RBFOX1: variants seen among roughly 807,000 people sequenced by gnomAD.
RBFOX1 encodes the protein RNA binding fox-1 homolog 1.
Under a neutral mutation model 57.7 loss-of-function variants are expected in RBFOX1, and 8 were observed. That is an observed-to-expected ratio of 0.14 (90% confidence interval 0.08 to 0.25). The LOEUF (loss-of-function observed/expected upper bound fraction) is 0.25. RBFOX1 is among the 10% of genes least tolerant of loss of function. The pLI is 1.00. For missense variants in RBFOX1, 611 were observed against 548.5 expected (o/e 1.11, Z -1.14); for synonymous variants, 326 against 222.4 (o/e 1.47, Z -4.15).
At chr16:6,855,202 ACC>A (rs2057609001) in intron 3 of RBFOX1, among the ~76,000 whole-genome samples, 1 of 152,056 alleles carries the variant, frequency 6.6e-6, no homozygotes, top group Admixed American at 6.6e-5. Context: ...CCAATATAGT[ACC>A]TGGCAAAATG....
intron 2 of RBFOX1, among the ~76,000 whole-genome samples, chr16:6,608,099 A>G (rs375926364): frequency 6.6e-6 from 1 of 152,184 alleles, no homozygotes; most frequent in Non-Finnish European, 1.5e-5. Context: ...GTCTCATAGC[A>G]CCTGAAACAA....
At chr16:5,905,499 C>T (rs1053474089) in intron 4 of RBFOX1, among the ~76,000 whole-genome samples, 1 of 152,034 alleles carries the variant, frequency 6.6e-6, no homozygotes, top group African/African-American at 2.4e-5. Flanking sequence ...ATTGCTTGAG[C>T]CCAGGAGTTT....
At chr16:6,460,318 T>C (rs1302601645) in intron 2 of RBFOX1, among the ~76,000 whole-genome samples, 2 of 152,040 alleles carry the variant, frequency 1.3e-5, no homozygotes, top group Non-Finnish European at 2.9e-5. Context: ...GTGGACAACC[T>C]ATAGGATGAG....
chr16:7,158,913 T>A (rs1017281871), intron 4 of RBFOX1, among the ~76,000 whole-genome samples: 1 of 152,092 alleles, frequency 6.6e-6, no homozygotes, highest in Non-Finnish European at 1.5e-5. Context: ...TTATTTGTAT[T>A]ACAAACATTT....
intron 11 of RBFOX1, among the ~76,000 whole-genome samples, chr16:7,634,284 G>T (rs1378606492): frequency 6.6e-6 from 1 of 152,070 alleles, no homozygotes; most frequent in African/African-American, 2.4e-5. Context: ...ACTTTTGTAT[G>T]TTGGATCCTA....
chr16:6,875,442 G>A (rs2061666426), intron 3 of RBFOX1, among the ~76,000 whole-genome samples: 1 of 152,066 alleles, frequency 6.6e-6, no homozygotes, highest in African/African-American at 2.4e-5. Flanking sequence ...TTCTTCCCAG[G>A]ACTCACACAA....
intron 3 of RBFOX1, among the ~76,000 whole-genome samples, chr16:6,843,786 G>A (rs2093618165): frequency 6.6e-6 from 1 of 152,140 alleles, no homozygotes; most frequent in Non-Finnish European, 1.5e-5. Flanking sequence ...TCACTATTCT[G>A]TTCCATGCCA....
rs1310371492 is a variant in RBFOX1 at position 6,450,771 on chromosome 16, A to G, written c.-64+133714A>G. Reference sequence around the variant, plus strand: ...TATATATACATATATATATGTGTATATATATATATATATATATACATATAT... The same window carrying G: ...TATATATACATATATATATGTGTATGTATATATATATATATATACATATAT... On this transcript the variant is annotated intron_variant, in intron 2 of 15. Transcript: ENST00000550418. 4.1e-3 allele frequency among the ~76,000 whole-genome samples: 152 copies of G among 36,764 alleles called. 6 individuals carry two copies. Among genetic ancestry groups the G allele is most frequent in the African/African-American group, 0.022 (125 of 5,654 alleles). 24.1% of individuals were successfully genotyped at this position (36,764 alleles called of 152,430 possible). A position where few individuals can be genotyped will look rare whatever the true frequency, so the allele number is the denominator to read the frequency against.
At chr16:6,311,666 G>C (rs1014332312) in intron 1 of RBFOX1, among the ~76,000 whole-genome samples, 1 of 152,194 alleles carries the variant, frequency 6.6e-6, no homozygotes, top group Non-Finnish European at 1.5e-5. Context: ...GTCCAGGAAG[G>C]CATGAATCTT....
intron 4 of RBFOX1, among the ~76,000 whole-genome samples, chr16:7,414,245 G>A (rs936614847): frequency 1.3e-5 from 2 of 152,222 alleles, no homozygotes; most frequent in Non-Finnish European, 2.9e-5. Flanking sequence ...AAAACCGAGT[G>A]CTCACCTTGG....
intron 4 of RBFOX1, among the ~76,000 whole-genome samples, chr16:5,879,204 C>G (rs2057697837): frequency 6.6e-6 from 1 of 152,210 alleles, no homozygotes; most frequent in Non-Finnish European, 1.5e-5. Context: ...GGACTGACTG[C>G]AAATGCAGTA....
At chr16:6,639,706 C>G (rs535096259) in intron 2 of RBFOX1, among the ~76,000 whole-genome samples, 3 of 152,162 alleles carry the variant, frequency 2.0e-5, no homozygotes, top group South Asian at 2.1e-4. Context: ...GAAACCCTGT[C>G]TCTACTAAAA....
At chr16:7,287,453 C>A (rs1248095430) in intron 4 of RBFOX1, among the ~76,000 whole-genome samples, 1 of 152,150 alleles carries the variant, frequency 6.6e-6, no homozygotes, top group African/African-American at 2.4e-5. Flanking sequence ...AGGACCAGGA[C>A]AGCGAGTAGG....
rs184077669 is a variant in RBFOX1 at position 6,329,276 on chromosome 16, A to G, written c.-64+12219A>G. Among the ~76,000 whole-genome samples, 1,368 of 152,338 alleles carry G rather than the reference A, an allele frequency of 9.0e-3. 10 individuals are homozygous for G. The highest frequency in any genetic ancestry group is 0.02 in the Middle Eastern group (6 of 294). On this transcript the variant is annotated intron_variant, in intron 2 of 15. Transcript: ENST00000550418. ...GCTGTGTACTAAGAAGTTTACAAGC[A>G]TCACCTCATTTCATCCTTATAATGA...
chr16:6,728,452 C>A (rs531316319), intron 3 of RBFOX1, among the ~76,000 whole-genome samples: 1 of 152,266 alleles, frequency 6.6e-6, no homozygotes, highest in African/African-American at 2.4e-5. Flanking sequence ...GGAAATTGTT[C>A]ATCTCTATGA....
chr16:5,894,367 C>T (rs1286769972), intron 4 of RBFOX1, among the ~76,000 whole-genome samples: 11 of 152,286 alleles, frequency 7.2e-5, no homozygotes, highest in African/African-American at 2.6e-4. Flanking sequence ...ACTTTCACCT[C>T]CACCTCCTGG....
At chr16:6,663,398 CAT>C (rs1167772478) in intron 3 of RBFOX1, among the ~76,000 whole-genome samples, 1 of 152,174 alleles carries the variant, frequency 6.6e-6, no homozygotes, top group Non-Finnish European at 1.5e-5. Flanking sequence ...ATGAGCATGA[CAT>C]AGCCAGCAGG....
At chr16:7,688,948 G>A (rs1259100097) in intron 14 of RBFOX1, among the ~76,000 whole-genome samples, 1 of 152,030 alleles carries the variant, frequency 6.6e-6, no homozygotes, top group African/African-American at 2.4e-5. Context: ...CTACGTGAAT[G>A]TTCCAAGCAG....
intron 4 of RBFOX1, among the ~76,000 whole-genome samples, chr16:7,447,189 T>A (rs930271907): frequency 6.6e-6 from 1 of 151,780 alleles, no homozygotes; most frequent in African/African-American, 2.4e-5. Context: ...ATTCACACTT[T>A]GGGAGGCCAA....
Sources: gnomAD v4.1 joint callset for allele counts (sites outside exome capture counted in the v4.1 genomes callset) on GRCh38, gnomAD v4.1.1 for gene constraint, MANE v1.5 for transcripts, NCBI Gene and HGNC (gene_info 2026-07-23, HGNC 2026-07-21) for gene names.